Variants in NCAM2 observed in about 807,000 individuals in gnomAD.
NCAM2 encodes the protein neural cell adhesion molecule 2, also known as N-CAM-2.
Under a neutral mutation model 98.1 loss-of-function variants are expected in NCAM2, and 30 were observed. The observed-to-expected ratio is 0.31, with a 90% CI of 0.23 to 0.41. The LOEUF is 0.41. Among genes scored for constraint, NCAM2 ranks in the 10% least tolerant of loss-of-function variants. NCAM2 has a pLI of 1.00. For missense variants in NCAM2, 867 were observed against 1,005.8 expected, an observed-to-expected ratio of 0.86 and a Z score of 1.87; for synonymous variants, 368 against 342.4, an observed-to-expected ratio of 1.07 and a Z score of -0.83.
intron 1 of NCAM2, among the ~76,000 whole-genome samples, chr21:21,111,872 T>C (rs999696935): frequency 5.9e-5 from 9 of 152,060 alleles, no homozygotes; most frequent in African/African-American, 2.2e-4. Flanking sequence ...TATCCTCTCA[T>C]TGGTCTGTGA....
intron 8 of NCAM2, among the ~76,000 whole-genome samples, chr21:21,356,742 G>A (rs1050645954): frequency 2.0e-5 from 3 of 152,148 alleles, no homozygotes; most frequent in Non-Finnish European, 4.4e-5. Flanking sequence ...TGTAATCCCA[G>A]CACTTTGGGA....
chr21:21,504,985 T>C (rs1265565388), intron 15 of NCAM2, among the ~76,000 whole-genome samples: 2 of 152,004 alleles, frequency 1.3e-5, no homozygotes, highest in African/African-American at 4.8e-5. Context: ...TATTATTGAC[T>C]ATAGTCATCC....
At chr21:21,098,270 G>C (rs569767694) in intron 1 of NCAM2, among the ~76,000 whole-genome samples, 1 of 151,392 alleles carries the variant, frequency 6.6e-6, no homozygotes, top group African/African-American at 2.4e-5. Context: ...ATGTGCCTTG[G>C]TATTACTATG....
intron 5 of NCAM2, among the ~76,000 whole-genome samples, chr21:21,302,328 G>C (rs564651835): frequency 3.9e-5 from 6 of 152,034 alleles, no homozygotes; most frequent in Non-Finnish European, 8.8e-5. Context: ...TCAATCTTCT[G>C]CGTATGACCA....
At chr21:21,242,542 C>T (rs1013057937) in intron 1 of NCAM2, among the ~76,000 whole-genome samples, 3 of 152,280 alleles carry the variant, frequency 2.0e-5, no homozygotes, top group Non-Finnish European at 4.4e-5. Context: ...TTCTCTACTT[C>T]TATGGGTTCA....
chr21:21,170,408 C>T (rs1302884675), intron 1 of NCAM2, among the ~76,000 whole-genome samples: 1 of 152,074 alleles, frequency 6.6e-6, no homozygotes, highest in African/African-American at 2.4e-5. Flanking sequence ...AATGAGCAGT[C>T]AAATAATGAA....
intron 5 of NCAM2, among the ~76,000 whole-genome samples, chr21:21,295,090 C>G (rs1352367978): frequency 6.6e-6 from 1 of 151,752 alleles, no homozygotes; most frequent in East Asian, 1.9e-4. Flanking sequence ...TCTTCCACCT[C>G]AAGTATACCG....
intron 1 of NCAM2, among the ~76,000 whole-genome samples, chr21:21,102,288 T>TA (rs959668450): frequency 6.6e-6 from 1 of 152,040 alleles, no homozygotes; most frequent in Admixed American, 6.6e-5. Context: ...TTTAAAATTG[T>TA]AAAAAAAGTA....
intron 6 of NCAM2, among the ~76,000 whole-genome samples, chr21:21,328,980 A>G (rs1263467275): frequency 7.1e-6 from 1 of 141,340 alleles, no homozygotes; most frequent in Non-Finnish European, 1.5e-5. Flanking sequence ...TTTGAGATGG[A>G]GTCTCACTCT....
intron 16 of NCAM2, among the ~76,000 whole-genome samples, chr21:21,511,119 A>G (rs775499560): frequency 2.0e-5 from 3 of 152,058 alleles, no homozygotes; most frequent in Non-Finnish European, 4.4e-5. Flanking sequence ...TGTGCTAGGA[A>G]CACATTCCAA....
At chr21:21,056,461 A>C (rs772028936) in intron 1 of NCAM2, among the ~76,000 whole-genome samples, 16 of 148,024 alleles carry the variant, frequency 1.1e-4, no homozygotes, top group Non-Finnish European at 2.2e-4. Context: ...TGGGTAATTG[A>C]CAGTTTAGAG....
At chr21:21,415,140 CTT>C (rs2076963883) in intron 10 of NCAM2, among the ~76,000 whole-genome samples, 2 of 151,836 alleles carry the variant, frequency 1.3e-5, no homozygotes, top group Non-Finnish European at 2.9e-5. Flanking sequence ...ATGGCTTGAA[CTT>C]AAGTCACTAG....
At chr21:21,196,138 G>A (rs575598288) in intron 1 of NCAM2, among the ~76,000 whole-genome samples, 12 of 152,246 alleles carry the variant, frequency 7.9e-5, no homozygotes, top group African/African-American at 1.9e-4. Flanking sequence ...CACTGAGAAA[G>A]CCCACTCAGT....
At chr21:21,525,667 C>A (rs751361420) in intron 16 of NCAM2, among the ~76,000 whole-genome samples, 5 of 152,030 alleles carry the variant, frequency 3.3e-5, no homozygotes, top group African/African-American at 1.2e-4. Context: ...TTCTATGAAG[C>A]CAGCATTACT....
At chr21:21,449,224 CAAAT>C (rs765563442) in intron 12 of NCAM2, among the ~76,000 whole-genome samples, 7 of 151,534 alleles carry the variant, frequency 4.6e-5, no homozygotes, top group African/African-American at 7.3e-5. Context: ...TTTTATGAAT[CAAAT>C]AAATAGTACA....
In NCAM2 at chr21:21,187,947, G is replaced by A. The variant is rs567476699; in HGVS notation, c.56-92631G>A. 9.8e-5 allele frequency among the ~76,000 whole-genome samples: 15 copies of A among 152,288 alleles called. No individual in the cohort carries two copies. In the South Asian group the frequency reaches 3.1e-3, roughly 32 times the overall value. ...GACAATTTCATCACAAGCTAAATGA[G>A]TATGATACATGTGATTCTCACTGTG... On this transcript the variant is annotated intron_variant, in intron 1 of 17. Coordinates refer to ENST00000400546, the MANE Select transcript of NCAM2 (RefSeq NM_004540.5).
At chr21:21,340,148 T>G (rs1018219947) in intron 8 of NCAM2, among the ~76,000 whole-genome samples, 1 of 151,934 alleles carries the variant, frequency 6.6e-6, no homozygotes, top group Non-Finnish European at 1.5e-5. Context: ...TTTGCATGTT[T>G]ATTTAGATTA....
At chr21:21,177,168 C>A (rs949637090) in intron 1 of NCAM2, among the ~76,000 whole-genome samples, 2 of 152,094 alleles carry the variant, frequency 1.3e-5, no homozygotes, top group African/African-American at 4.8e-5. Flanking sequence ...TCTTTAGATA[C>A]AGCAGAAACT....
chr21:21,421,770 G>A (rs559754479), intron 11 of NCAM2, among the ~76,000 whole-genome samples: 1 of 152,196 alleles, frequency 6.6e-6, no homozygotes, highest in South Asian at 2.1e-4. Flanking sequence ...AAGATCATTT[G>A]GCATATGGTA....
Sources: allele counts gnomAD v4.1 joint callset (sites outside exome capture counted in the v4.1 genomes callset), GRCh38; gene constraint gnomAD v4.1.1; transcripts MANE v1.5; gene names NCBI Gene and HGNC (gene_info 2026-07-23, HGNC 2026-07-21).